The following OPCML variants were observed in gnomAD, a reference collection of about 807,000 sequenced individuals.
The protein encoded by OPCML is opioid-binding protein/cell adhesion molecule.
OPCML carries 13 observed loss-of-function variants against 37.8 expected under a neutral mutation model. The observed-to-expected ratio is 0.34, with a 90% confidence interval of 0.22 to 0.55. The LOEUF is 0.55. Ranked by LOEUF, OPCML falls within the 20% of genes least tolerant of loss-of-function variation. OPCML has a pLI of 0.91. For missense variants in OPCML, 341 were observed against 435.6 expected (o/e 0.78, Z 1.93); for synonymous variants, 176 against 168.8 (o/e 1.04, Z -0.33).
chr11:132,974,375 C>T (rs1204647780), intron 1 of OPCML, among the ~76,000 whole-genome samples: 2 of 152,164 alleles, frequency 1.3e-5, no homozygotes, highest in Non-Finnish European at 2.9e-5. Flanking sequence ...GCCACTCTAC[C>T]AAAGTTCTTC....
intron 2 of OPCML, among the ~76,000 whole-genome samples, chr11:132,821,598 G>A (rs1485961108): frequency 2.0e-5 from 3 of 152,226 alleles, no homozygotes; most frequent in African/African-American, 4.8e-5. Context: ...ACGAAGGAGA[G>A]ACCTGTAATA....
chr11:132,934,261 G>A (rs1402394520), intron 2 of OPCML, among the ~76,000 whole-genome samples: 1 of 152,120 alleles, frequency 6.6e-6, no homozygotes, highest in East Asian at 1.9e-4. Flanking sequence ...AGAGATCCTG[G>A]CAGGACAAGG....
intron 7 of OPCML, among the ~76,000 whole-genome samples, chr11:132,423,799 G>A (rs1178724441): frequency 6.6e-6 from 1 of 152,208 alleles, no homozygotes; most frequent in Non-Finnish European, 1.5e-5. Context: ...TGAGGCTTTT[G>A]TAAATGTTAG....
rs1034516769 is a variant in OPCML, at chr11:133,422,663, T to C, written c.61+109601A>G. On this transcript the variant is annotated intron_variant, in intron 1 of 7. Transcript: ENST00000524381. ...TGAACCACTGAGCCCGGCCACTAAT[T>C]TCCTTTTAATAATTATTATGTCATG... 36 of 983,204 alleles carry C rather than the reference T, an allele frequency of 3.7e-5. No homozygotes were observed. In the African/African-American group the frequency reaches 6.0e-4, roughly 16 times the overall value. 60.9% of individuals were successfully genotyped at this position (983,204 alleles called of 1,614,324 possible). A position where few individuals can be genotyped will look rare whatever the true frequency, so the allele number is the denominator to read the frequency against.
intron 1 of OPCML, among the ~76,000 whole-genome samples, chr11:133,290,241 AGGGTAG>A (rs144330326): frequency 0.049 from 7,404 of 152,212 alleles, 205 homozygotes; most frequent in Middle Eastern, 0.065. Context: ...GGAGACCCAG[AGGGTAG>A]GGCAGCCAAT....
chr11:132,705,182 C>T (rs1943982757), intron 2 of OPCML, among the ~76,000 whole-genome samples: 1 of 152,074 alleles, frequency 6.6e-6, no homozygotes, highest in Non-Finnish European at 1.5e-5. Context: ...GGAGGTGGGG[C>T]CTGCTGGCAG....
chr11:133,471,514 C>T (rs900966874), intron 1 of OPCML, among the ~76,000 whole-genome samples: 3 of 152,058 alleles, frequency 2.0e-5, no homozygotes, highest in Non-Finnish European at 2.9e-5. Flanking sequence ...TGACATTGAT[C>T]ATCTTGGGAG....
At chr11:132,747,409 C>T (rs567112560) in intron 2 of OPCML, among the ~76,000 whole-genome samples, 133 of 152,134 alleles carry the variant, frequency 8.7e-4, no homozygotes, top group Non-Finnish European at 1.5e-3. Flanking sequence ...CAGATGTGAA[C>T]GAAAGATGGA....
At chr11:133,142,737 G>T (rs1475259484) in intron 1 of OPCML, among the ~76,000 whole-genome samples, 5 of 152,112 alleles carry the variant, frequency 3.3e-5, no homozygotes, top group African/African-American at 1.2e-4. Context: ...GTGCAAAAGA[G>T]AAAGTAGGGT....
At chr11:133,216,974 T>A (rs1221574438) in intron 1 of OPCML, among the ~76,000 whole-genome samples, 3 of 152,228 alleles carry the variant, frequency 2.0e-5, no homozygotes, top group Non-Finnish European at 2.9e-5. Flanking sequence ...CCATAAATAC[T>A]GGGTGTGGCC....
rs76752534 is a variant in OPCML, at chr11:132,858,663, T to C, written c.146+84263A>G. Reference sequence around the variant, plus strand: ...CCTGACTCTGGTAGCAGCATTAGTCTTTCTGAGTGTCATTTTCTCATCCAC... The same window carrying C: ...CCTGACTCTGGTAGCAGCATTAGTCCTTCTGAGTGTCATTTTCTCATCCAC... On this transcript the variant is annotated intron_variant, in intron 2 of 7. Transcript: ENST00000524381. Among the ~76,000 whole-genome samples the C allele has an allele frequency of 6.7e-3, 1,015 of 152,010 alleles. 15 individuals carry two copies. Among genetic ancestry groups the C allele is most frequent in the African/African-American group, 0.022 (901 of 41,496 alleles).
At chr11:133,508,366 A>G (rs1453613362) in intron 1 of OPCML, among the ~76,000 whole-genome samples, 1 of 152,236 alleles carries the variant, frequency 6.6e-6, no homozygotes, top group Non-Finnish European at 1.5e-5. Flanking sequence ...AAGACTAAGG[A>G]CAAGAACCAC....
intron 3 of OPCML, among the ~76,000 whole-genome samples, chr11:132,601,596 A>T (rs1294042523): frequency 6.6e-6 from 1 of 152,154 alleles, no homozygotes; most frequent in Non-Finnish European, 1.5e-5. Context: ...AAATCTCATC[A>T]AGTGGAGAAT....
At chr11:132,649,077 G>T (rs1344328878) in intron 3 of OPCML, among the ~76,000 whole-genome samples, 1 of 152,006 alleles carries the variant, frequency 6.6e-6, no homozygotes, top group East Asian at 1.9e-4. Flanking sequence ...GAGTACAGAA[G>T]AAACAGACAA....
rs1233135620 is a variant in OPCML at position 133,177,225 on chromosome 11, T to C, written c.62-234215A>G. Among the ~76,000 whole-genome samples the C allele has an allele frequency of 6.6e-6, 1 of 152,240 alleles. No homozygotes were observed. Among genetic ancestry groups the C allele is most frequent in the African/African-American group, 2.4e-5 (1 of 41,458 alleles). Reference sequence around the variant, plus strand: ...CAACGTGTGTCTGTGTGCCTGTTGATAGCGTCTGATCCAAGCAGGGGCTAG... The same window carrying C: ...CAACGTGTGTCTGTGTGCCTGTTGACAGCGTCTGATCCAAGCAGGGGCTAG... On this transcript the variant is annotated intron_variant, in intron 1 of 7. Transcript: ENST00000524381. The surrounding 1 kb of genome is among the most constrained non-coding windows in gnomAD (Gnocchi z 5.0).
chr11:132,427,900 C>T (rs1170971085), intron 7 of OPCML, among the ~76,000 whole-genome samples: 2 of 152,128 alleles, frequency 1.3e-5, no homozygotes, highest in African/African-American at 4.8e-5. Flanking sequence ...TGACATTTTG[C>T]AGGTTGGGGG....
chr11:132,831,267 C>A (rs1940667414), intron 2 of OPCML, among the ~76,000 whole-genome samples: 1 of 152,000 alleles, frequency 6.6e-6, no homozygotes, highest in South Asian at 2.1e-4. Flanking sequence ...AGTCCAAACT[C>A]CAAACAACAA....
At chr11:133,180,151 A>G (rs1937754996) in intron 1 of OPCML, among the ~76,000 whole-genome samples, 1 of 152,162 alleles carries the variant, frequency 6.6e-6, no homozygotes, top group Non-Finnish European at 1.5e-5. Context: ...CCTTTCACAC[A>G]GTCCCCTAAC....
intron 2 of OPCML, among the ~76,000 whole-genome samples, chr11:132,747,978 A>G (rs1945693577): frequency 6.6e-6 from 1 of 151,938 alleles, no homozygotes; most frequent in African/African-American, 2.4e-5. Flanking sequence ...AGTTTGTGTC[A>G]TCCTACACCA....
Sources: gnomAD v4.1 joint callset for allele counts (sites outside exome capture counted in the v4.1 genomes callset) on GRCh38, gnomAD v4.1.1 for gene constraint, Gnocchi (gnomAD v3.1) non-coding constraint, MANE v1.5 for transcripts, NCBI Gene and HGNC (gene_info 2026-07-23, HGNC 2026-07-21) for gene names.